TMEM132D: variants seen among roughly 807,000 people sequenced by gnomAD.
The protein encoded by TMEM132D is transmembrane protein 132D, also known as mature OL transmembrane protein.
A neutral mutation model predicts 62.3 loss-of-function variants in TMEM132D; 21 were observed. The observed-to-expected ratio is 0.34, with a 90% CI of 0.24 to 0.49. The LOEUF (loss-of-function observed/expected upper bound fraction) is 0.49. TMEM132D is among the 20% of genes least tolerant of loss of function. The pLI, the probability that TMEM132D is intolerant of heterozygous loss-of-function variation, is 0.99. For synonymous variants in TMEM132D, 621 were observed against 575.6 expected (o/e 1.08, Z -1.13); for missense variants, 1,346 against 1,402.8 (o/e 0.96, Z 0.65).
At chr12:129,355,998 G>A (rs1304981373) in intron 3 of TMEM132D, among the ~76,000 whole-genome samples, 1 of 152,098 alleles carries the variant, frequency 6.6e-6, no homozygotes, top group East Asian at 1.9e-4. Context: ...CCCTGCACGC[G>A]ATTTCATCTG....
chr12:129,334,789 C>T (rs1869223103), intron 4 of TMEM132D, among the ~76,000 whole-genome samples: 1 of 152,144 alleles, frequency 6.6e-6, no homozygotes, highest in Non-Finnish European at 1.5e-5. Context: ...AAGGTTTCAC[C>T]ATGTTGGCCA....
intron 2 of TMEM132D, among the ~76,000 whole-genome samples, chr12:129,606,864 C>T (rs1878639124): frequency 6.6e-6 from 1 of 152,198 alleles, no homozygotes; most frequent in South Asian, 2.1e-4. Flanking sequence ...ATGTAACTCT[C>T]AAAATGCTAC....
At chr12:129,211,781 T>C (rs1031342549) in intron 4 of TMEM132D, among the ~76,000 whole-genome samples, 2 of 152,214 alleles carry the variant, frequency 1.3e-5, no homozygotes, top group Non-Finnish European at 1.5e-5. Flanking sequence ...ATACACTTTT[T>C]CTCCTCTGTG....
intron 1 of TMEM132D, among the ~76,000 whole-genome samples, chr12:129,723,924 T>G (rs1049414743): frequency 1.3e-5 from 2 of 152,170 alleles, no homozygotes; most frequent in Non-Finnish European, 2.9e-5. Context: ...ATGTCCATAT[T>G]CTAATGAATT....
At chr12:129,680,693 A>C (rs1377167502) in intron 2 of TMEM132D, among the ~76,000 whole-genome samples, 2 of 152,216 alleles carry the variant, frequency 1.3e-5, no homozygotes, top group African/African-American at 4.8e-5. Flanking sequence ...GAACTTTAGT[A>C]TCGGTAAGTA....
intron 3 of TMEM132D, among the ~76,000 whole-genome samples, chr12:129,471,924 T>C (rs1249521616): frequency 1.3e-5 from 2 of 152,228 alleles, no homozygotes; most frequent in Non-Finnish European, 2.9e-5. Flanking sequence ...GTTCTGTGAA[T>C]CTTAGAGAGG....
At chr12:129,118,891 C>T (rs970202368) in intron 5 of TMEM132D, among the ~76,000 whole-genome samples, 1 of 152,204 alleles carries the variant, frequency 6.6e-6, no homozygotes, top group Non-Finnish European at 1.5e-5. Context: ...ATTTCGGCTG[C>T]TCAGCTACTC....
intron 5 of TMEM132D, among the ~76,000 whole-genome samples, chr12:129,202,227 C>A (rs1261431384): frequency 6.6e-6 from 1 of 152,168 alleles, no homozygotes; most frequent in Non-Finnish European, 1.5e-5. Flanking sequence ...AAAGGCCGAC[C>A]TTCTCTGCTC....
Position 129,180,945 on chromosome 12 carries a change from T to G in TMEM132D, c.1443+28575A>C, listed in dbSNP as rs180938166. Among the ~76,000 whole-genome samples, 668 of 152,084 alleles carry G rather than the reference T, an allele frequency of 4.4e-3. 6 individuals carry two copies. Among genetic ancestry groups the G allele is most frequent in the African/African-American group, 0.015 (619 of 41,494 alleles). ...GTTTTCTTGGTGGGATGAGAAGATTTAGAGAATTTCAACAGGGGTAGAGCA... is the reference window on the plus strand; with the variant it reads ...GTTTTCTTGGTGGGATGAGAAGATTGAGAGAATTTCAACAGGGGTAGAGCA... On this transcript the variant is annotated intron_variant, in intron 5 of 8. Transcript: ENST00000422113.
intron 2 of TMEM132D, among the ~76,000 whole-genome samples, chr12:129,603,963 T>A (rs956965813): frequency 6.6e-5 from 10 of 152,188 alleles, no homozygotes; most frequent in African/African-American, 1.7e-4. Flanking sequence ...ATGTGGCACA[T>A]ATACACCAAG....
intron 3 of TMEM132D, among the ~76,000 whole-genome samples, chr12:129,525,675 A>C (rs922240610): frequency 5.9e-5 from 9 of 152,228 alleles, no homozygotes; most frequent in Admixed American, 2.0e-4. Context: ...TGTTATGCCA[A>C]TATTACAGAA....
At chr12:129,636,485 C>T (rs1161857311) in intron 2 of TMEM132D, among the ~76,000 whole-genome samples, 1 of 152,072 alleles carries the variant, frequency 6.6e-6, no homozygotes, top group African/African-American at 2.4e-5. Context: ...GAGGCCTGTC[C>T]AGAACCTGCT....
At chr12:129,121,218 C>T (rs1263619497) in intron 5 of TMEM132D, among the ~76,000 whole-genome samples, 1 of 152,136 alleles carries the variant, frequency 6.6e-6, no homozygotes, top group Non-Finnish European at 1.5e-5. Context: ...GCCTCAGCCT[C>T]CCAAGTAGCT....
At chr12:129,140,023 C>T (rs556052874) in intron 5 of TMEM132D, among the ~76,000 whole-genome samples, 6 of 152,082 alleles carry the variant, frequency 3.9e-5, no homozygotes, top group South Asian at 2.1e-4. Context: ...GTCAGAAACA[C>T]GCATTTTTAA....
rs149254653 is a variant in TMEM132D at position 129,744,459 on chromosome 12, G to A, written c.80-43761C>T. 3.1e-3 allele frequency among the ~76,000 whole-genome samples: 467 copies of A among 152,228 alleles called. 3 individuals carry two copies. Among genetic ancestry groups the A allele is most frequent in the Middle Eastern group, 0.017 (5 of 294 alleles). Reference sequence around the variant, plus strand: ...GCAGACAGTCTGAAATGGAGCCTTTGACAAACATATGCCTGTAGGTAATTA... The same window carrying A: ...GCAGACAGTCTGAAATGGAGCCTTTAACAAACATATGCCTGTAGGTAATTA... On this transcript the variant is annotated intron_variant, in intron 1 of 8. Transcript: ENST00000422113.
intron 3 of TMEM132D, among the ~76,000 whole-genome samples, chr12:129,340,977 A>AC (rs902797421): frequency 2.0e-5 from 3 of 152,152 alleles, no homozygotes; most frequent in Non-Finnish European, 4.4e-5. Context: ...ACGATTATGG[A>AC]CCGAGTTCCT....
intron 1 of TMEM132D, among the ~76,000 whole-genome samples, chr12:129,780,430 G>A (rs996308456): frequency 5.3e-5 from 8 of 152,070 alleles, no homozygotes; most frequent in Non-Finnish European, 8.8e-5. Context: ...TAGAAATCTC[G>A]ACATCTACCT....
intron 3 of TMEM132D, among the ~76,000 whole-genome samples, chr12:129,495,391 AG>A (rs35640077): frequency 6.6e-6 from 1 of 152,166 alleles, no homozygotes. Context: ...CTCAGACAGA[AG>A]GGGGAGATCG....
intron 2 of TMEM132D, among the ~76,000 whole-genome samples, chr12:129,601,162 C>T (rs908344207): frequency 1.3e-5 from 2 of 152,204 alleles, no homozygotes; most frequent in African/African-American, 4.8e-5. Flanking sequence ...CTTTGCCTTG[C>T]ACTTTTATGT....
Sources: allele counts gnomAD v4.1 joint callset (sites outside exome capture counted in the v4.1 genomes callset), GRCh38; gene constraint gnomAD v4.1.1; transcripts MANE v1.5; gene names NCBI Gene and HGNC (gene_info 2026-07-23, HGNC 2026-07-21).